The following PPFIA1 variants were observed in gnomAD, a reference collection of about 807,000 sequenced individuals.
The protein encoded by PPFIA1 is PPFI scaffold protein A1, also known as liprin-alpha-1.
PPFIA1 carries 25 observed loss-of-function variants against 149.9 expected under a neutral mutation model. That is an observed-to-expected ratio of 0.17 (90% CI 0.12 to 0.23). PPFIA1 has a LOEUF of 0.23. Ranked by LOEUF, PPFIA1 falls within the 10% of genes least tolerant of loss-of-function variation. The pLI, the probability that PPFIA1 is intolerant of heterozygous loss-of-function variation, is 1.00. For missense variants in PPFIA1, 1,362 were observed against 1,506.5 expected (o/e 0.90, Z 1.59); for synonymous variants, 549 against 552.8 (o/e 0.99, Z 0.10).
At chr11:70,338,170 G>A (rs2055094532) in intron 12 of PPFIA1, among the ~76,000 whole-genome samples, 1 of 152,170 alleles carries the variant, frequency 6.6e-6, no homozygotes, top group African/African-American at 2.4e-5. Context: ...ATTCATTAGG[G>A]CTTACAAAGT....
At chr11:70,369,732 A>G (rs536698340) in intron 21 of PPFIA1, among the ~76,000 whole-genome samples, 96 of 152,326 alleles carry the variant, frequency 6.3e-4, no homozygotes, top group African/African-American at 2.1e-3. Context: ...TAAGTTGCTT[A>G]AAATTGTTCA....
intron 2 of PPFIA1, among the ~76,000 whole-genome samples, chr11:70,293,505 A>G (rs1177725514): frequency 1.3e-5 from 2 of 152,240 alleles, no homozygotes; most frequent in Non-Finnish European, 2.9e-5. Flanking sequence ...TTTGAAACAT[A>G]ATAGAGTCGC....
chr11:70,377,007 A>C (rs2057519051), intron 25 of PPFIA1, among the ~76,000 whole-genome samples: 1 of 151,982 alleles, frequency 6.6e-6, no homozygotes, highest in African/African-American at 2.4e-5. Context: ...TGGGAGGTGG[A>C]GGTTGCAGTG....
Position 70,339,284 on chromosome 11 carries a change from C to G in PPFIA1, c.1685C>G (p.Ala562Gly). 1 of 1,613,936 alleles carries G rather than the reference C, an allele frequency of 6.2e-7. No individual in the cohort carries two copies. The highest frequency in any genetic ancestry group is 1.1e-5 in the South Asian group (1 of 91,070). Residue 562 changes from alanine (A) to glycine (G), a missense_variant, in exon 14 of 28, where the codon GCC becomes GGC. Around this residue, in one of 7 missense-constraint regions of PPFIA1, gnomAD observed 733 missense variants for 744.1 expected, o/e 0.99. Coordinates refer to ENST00000253925, the MANE Select transcript of PPFIA1 (RefSeq NM_003626.5). Reference protein sequence around the residue: ...LRRPQKGRLAALRDEPSKVQT... With the variant: ...LRRPQKGRLAGLRDEPSKVQT... ...CGCCCACAGAAAGGCCGGCTGGCAG[C>G]CCTGCGAGATGAGCCTTCCAAGGCA...
At chr11:70,317,124 A>G (rs1345625435) in intron 2 of PPFIA1, among the ~76,000 whole-genome samples, 1 of 152,188 alleles carries the variant, frequency 6.6e-6, no homozygotes, top group South Asian at 2.1e-4. Context: ...TAAACTAGTG[A>G]TATATTTGAC....
At chr11:70,301,261 C>G (rs2136349092) in intron 2 of PPFIA1, among the ~76,000 whole-genome samples, 1 of 152,274 alleles carries the variant, frequency 6.6e-6, no homozygotes, top group East Asian at 1.9e-4. Flanking sequence ...AGTAGACATT[C>G]ATTTGATGTG....
At chr11:70,354,562 C>A in intron 17 of PPFIA1, 110 bp downstream of exon 17, 3 of 1,210,800 alleles carry the variant, frequency 2.5e-6, no homozygotes, top group African/African-American at 1.5e-5. Flanking sequence ...TAGAATTACC[C>A]ATTAATTCAG....
In PPFIA1 at chr11:70,326,421, C is replaced by A; in HGVS notation, c.708+58C>A. 2.7e-6 allele frequency: 4 copies of A among 1,466,358 alleles called. No homozygotes were observed. The South Asian group carries it at 4.8e-5, about 18-fold the overall frequency. 90.8% of individuals were successfully genotyped at this position (1,466,358 alleles called of 1,614,324 possible). On this transcript the variant is annotated intron_variant, in intron 6 of 27. Transcript: ENST00000253925. ...GATTTCATTTGTTCACAGTATGTGT[C>A]GGGTTATGTGGAAAACAGTTGCTAA... is the stretch of plus-strand genomic sequence containing the variant.
intron 19 of PPFIA1, among the ~76,000 whole-genome samples, 184 bp downstream of exon 19, chr11:70,356,438 C>T (rs1346482139): frequency 6.6e-6 from 1 of 152,204 alleles, no homozygotes; most frequent in Non-Finnish European, 1.5e-5. Context: ...TTCGAAGAAA[C>T]TCACACTGGT....
intron 2 of PPFIA1, among the ~76,000 whole-genome samples, chr11:70,322,426 G>A (rs570762833): frequency 6.6e-6 from 1 of 152,286 alleles, no homozygotes; most frequent in Non-Finnish European, 1.5e-5. Flanking sequence ...GGGAGGACAT[G>A]GACAGAAGAC....
chr11:70,316,965 C>T (rs1439418120), intron 2 of PPFIA1, among the ~76,000 whole-genome samples: 1 of 152,160 alleles, frequency 6.6e-6, no homozygotes, highest in Non-Finnish European at 1.5e-5. Flanking sequence ...GTGTTACTTT[C>T]TGTTGTCTCA....
In PPFIA1 at chr11:70,383,455, T is replaced by G. The variant is rs1394412652; in HGVS notation, c.*465T>G. On this transcript the variant is annotated 3_prime_UTR_variant, in exon 28 of 28. Coordinates refer to ENST00000253925, the MANE Select transcript of PPFIA1 (RefSeq NM_003626.5). ...TTATAAAATTATGACAGAAGCCATG[T>G]GCATTATCCTTTACGGACGCAGCCT... is the stretch of plus-strand genomic sequence containing the variant. The G allele has an allele frequency of 5.7e-6, 1 of 176,548 alleles. No individual in the cohort carries two copies. Among genetic ancestry groups the G allele is most frequent in the Non-Finnish European group, 1.2e-5 (1 of 84,964 alleles). 10.9% of individuals were successfully genotyped at this position (176,548 alleles called of 1,614,324 possible). A position where few individuals can be genotyped will look rare whatever the true frequency, so the allele number is the denominator to read the frequency against.
intron 21 of PPFIA1, chr11:70,363,047 GTAAT>G (rs1444805720): frequency 5.9e-5 from 9 of 152,484 alleles, no homozygotes; most frequent in East Asian, 1.9e-4. Context: ...TTCAAACTGA[GTAAT>G]TAACATTTGT....
intron 19 of PPFIA1, among the ~76,000 whole-genome samples, chr11:70,360,995 G>A (rs2056615075): frequency 6.6e-6 from 1 of 152,168 alleles, no homozygotes. Context: ...TGAGAAATAA[G>A]ATGAGATTCA....
intron 2 of PPFIA1, among the ~76,000 whole-genome samples, chr11:70,282,833 C>CTTTTTTTTT (rs59308854): frequency 1.4e-5 from 1 of 71,886 alleles, no homozygotes; most frequent in African/African-American, 6.0e-5. Context: ...CCGTGCCTGG[C>CTTTTTTTTT]TTTTTTTTTT....
In PPFIA1 at chr11:70,318,371, C is replaced by T. The variant is rs545409933; in HGVS notation, c.265-6031C>T. ...TGGATCTGCACCCCGCACCCCATGT[C>T]GTCTGCCCTCTTTCCCTTTACTGCG... On this transcript the variant is annotated intron_variant, in intron 2 of 27. Transcript: ENST00000253925. Among the ~76,000 whole-genome samples, 13 of 152,310 alleles carry T rather than the reference C, an allele frequency of 8.5e-5. No individual in the cohort carries two copies. The South Asian group carries it at 1.0e-3, about 12-fold the overall frequency.
At chr11:70,304,922 G>T (rs757541878) in intron 2 of PPFIA1, among the ~76,000 whole-genome samples, 1 of 152,176 alleles carries the variant, frequency 6.6e-6, no homozygotes, top group African/African-American at 2.4e-5. Context: ...TGTTAATCAA[G>T]TGCCCTGCCC....
At chr11:70,362,823 G>A (rs1011369475) in intron 21 of PPFIA1, 5 of 184,192 alleles carry the variant, frequency 2.7e-5, no homozygotes, top group East Asian at 1.5e-4. Context: ...TGGGGGTCTC[G>A]CTGTGTTGCC....
intron 5 of PPFIA1, 24 bp from the exon 6 acceptor site, chr11:70,326,238 T>A (rs201181680): frequency 7.9e-5 from 108 of 1,361,352 alleles, no homozygotes; most frequent in Non-Finnish European, 1.0e-4. Context: ...TATTTTACAC[T>A]CATATTCAAT....
Sources: allele counts gnomAD v4.1 joint callset (sites outside exome capture counted in the v4.1 genomes callset), GRCh38; gene constraint gnomAD v4.1.1; regional missense constraint gnomAD v4.1.1; transcripts MANE v1.5; gene names NCBI Gene and HGNC (gene_info 2026-07-23, HGNC 2026-07-21).